The following ZNF469 variants were observed in gnomAD, a reference collection of about 807,000 sequenced individuals.
ZNF469 encodes the protein zinc finger protein 469.
In ZNF469, 1 loss-of-function variant was observed where a neutral mutation model predicts 1.0. That is an observed-to-expected ratio of 1.00 (90% CI 0.35 to 4.73). The LOEUF is 4.73. ZNF469 is among the 30% of genes most tolerant of loss of function. ZNF469 has a pLI of 0.16. For synonymous variants in ZNF469, 2,703 were observed against 2,363.4 expected (o/e 1.14, Z -4.17); for missense variants, 6,100 against 5,356.3 (o/e 1.14, Z -4.33).
the ZNF469 span, among the ~76,000 whole-genome samples, chr16:88,345,914 G>A: frequency 7.8e-4 from 119 of 152,226 alleles, 2 homozygotes; most frequent in Non-Finnish European, 2.8e-4. Context: ...CTGCTCCCTC[G>A]TCGAATATCA....
the ZNF469 span, among the ~76,000 whole-genome samples, chr16:88,330,275 T>G: frequency 6.6e-6 from 1 of 152,208 alleles, no homozygotes; most frequent in East Asian, 1.9e-4. Flanking sequence ...CCTGCATGTG[T>G]GTGCACATGC....
At chr16:88,203,728 C>CTGTG in the ZNF469 span, among the ~76,000 whole-genome samples, 1,184 of 149,558 alleles carry the variant, frequency 7.9e-3, 15 homozygotes, top group African/African-American at 0.025. Flanking sequence ...GTGTCTGTCC[C>CTGTG]TGTGTGTGTG....
chr16:88,112,383 TA>T, the ZNF469 span, among the ~76,000 whole-genome samples: 1 of 152,252 alleles, frequency 6.6e-6, no homozygotes, highest in African/African-American at 2.4e-5. Flanking sequence ...GCGGCTGTAT[TA>T]ATTTACATTC....
the ZNF469 span, among the ~76,000 whole-genome samples, chr16:88,371,719 C>A: frequency 6.6e-6 from 1 of 152,086 alleles, no homozygotes; most frequent in African/African-American, 2.4e-5. Flanking sequence ...CCACCAACAT[C>A]ACAGCTTGGT....
chr16:88,240,075 C>T, the ZNF469 span, among the ~76,000 whole-genome samples: 5 of 150,778 alleles, frequency 3.3e-5, no homozygotes, highest in African/African-American at 7.3e-5. Context: ...GCCAAACACC[C>T]ATGCCCATTG....
Position 88,434,082 on chromosome 16 carries a change from C to T in ZNF469, c.6612C>T (p.Cys2204=), listed in dbSNP as rs540133355. ...VAPPSLTTSP[C]DPKEALAGCL... ...CCCCGTCTTTGACAACAAGCCCCTG[C>T]GATCCCAAGGAAGCCCTGGCTGGTT... Residue 2204 remains cysteine (C), a synonymous_variant, in exon 3 of 3, where the codon TGC becomes TGT. Coordinates refer to ENST00000565624, the MANE Select transcript of ZNF469 (RefSeq NM_001367624.2). 7.1e-6 allele frequency: 11 copies of T among 1,550,398 alleles called. No homozygotes were observed. The highest frequency in any genetic ancestry group is 4.9e-5 in the East Asian group (2 of 40,914).
chr16:88,296,512 C>G, the ZNF469 span, among the ~76,000 whole-genome samples: 1 of 151,194 alleles, frequency 6.6e-6, no homozygotes, highest in Admixed American at 6.6e-5. Context: ...GACAAGCTCA[C>G]CCTCCCCACA....
chr16:88,209,562 A>T, the ZNF469 span, among the ~76,000 whole-genome samples: 1 of 152,162 alleles, frequency 6.6e-6, no homozygotes, highest in African/African-American at 2.4e-5. Context: ...AAGTGCTGGG[A>T]TTATAGGTGT....
the ZNF469 span, among the ~76,000 whole-genome samples, chr16:88,266,377 C>T: frequency 6.6e-6 from 1 of 152,228 alleles, no homozygotes; most frequent in Non-Finnish European, 1.5e-5. Context: ...AGGTGTCAGG[C>T]CCCAGGCTCC....
At chr16:88,391,094 G>T (rs1283366603) in intron 1 of ZNF469, among the ~76,000 whole-genome samples, 3 of 152,254 alleles carry the variant, frequency 2.0e-5, no homozygotes, top group Admixed American at 2.0e-4. Context: ...TTTGGGAGGT[G>T]TGATATAGAA....
chr16:88,306,070 G>C, the ZNF469 span, among the ~76,000 whole-genome samples: 1 of 152,362 alleles, frequency 6.6e-6, no homozygotes, highest in South Asian at 2.1e-4. Context: ...AAAAGGCCTG[G>C]AGACGCCAAG....
chr16:88,305,783 C>T, the ZNF469 span, among the ~76,000 whole-genome samples: 2 of 152,192 alleles, frequency 1.3e-5, no homozygotes, highest in African/African-American at 2.4e-5. Context: ...CATAAATGCA[C>T]ATTCACATGC....
the ZNF469 span, among the ~76,000 whole-genome samples, chr16:88,323,033 C>T: frequency 6.6e-6 from 1 of 152,234 alleles, no homozygotes; most frequent in African/African-American, 2.4e-5. Context: ...AAGTTGTTAG[C>T]TGTTATTACC....
chr16:88,407,178 G>A (rs541009533), intron 1 of ZNF469, among the ~76,000 whole-genome samples: 2 of 152,328 alleles, frequency 1.3e-5, no homozygotes, highest in Non-Finnish European at 2.9e-5. Context: ...GGGCGGCTGC[G>A]GCTCAGAGCT....
the ZNF469 span, among the ~76,000 whole-genome samples, chr16:88,290,804 G>A: frequency 6.6e-6 from 1 of 152,196 alleles, no homozygotes; most frequent in African/African-American, 2.4e-5. Context: ...TCACATCTAG[G>A]AGGTGCCCAC....
the ZNF469 span, among the ~76,000 whole-genome samples, chr16:88,375,742 G>C: frequency 4.6e-5 from 7 of 152,372 alleles, 1 homozygote; most frequent in Middle Eastern, 3.4e-3. Context: ...GACCACAGTG[G>C]GAATGCTGAG....
At chr16:88,159,742 C>A in the ZNF469 span, among the ~76,000 whole-genome samples, 2 of 152,156 alleles carry the variant, frequency 1.3e-5, no homozygotes, top group African/African-American at 4.8e-5. Context: ...TTTCTCACCT[C>A]CCGTTGTGCA....
At chr16:88,409,774 A>T (rs912875843) in intron 1 of ZNF469, among the ~76,000 whole-genome samples, 8 of 148,576 alleles carry the variant, frequency 5.4e-5, no homozygotes, top group South Asian at 2.2e-4. Context: ...CGGGCAGGGC[A>T]TCCAGGCAGC....
the ZNF469 span, among the ~76,000 whole-genome samples, chr16:88,143,757 G>C: frequency 4.6e-5 from 7 of 152,230 alleles, no homozygotes; most frequent in Admixed American, 2.6e-4. Flanking sequence ...GCCTTGCGGG[G>C]AGCGGTCCCG....
Sources: allele counts gnomAD v4.1 joint callset (sites outside exome capture counted in the v4.1 genomes callset), GRCh38; gene constraint gnomAD v4.1.1; transcripts MANE v1.5; gene names NCBI Gene and HGNC (gene_info 2026-07-23, HGNC 2026-07-21).